Variants in CABP7 observed in about 807,000 individuals in gnomAD.
CABP7 encodes calcium binding protein 7, also known as calcium-binding protein 7.
A neutral mutation model predicts 23.1 loss-of-function variants in CABP7; 13 were observed. The ratio of observed to expected loss-of-function variants is 0.56; its 90% CI spans 0.37 to 0.90. The LOEUF (loss-of-function observed/expected upper bound fraction) is 0.90. Ranked by LOEUF, CABP7 falls within the 40% of genes least tolerant of loss-of-function variation. The pLI, the probability that CABP7 is intolerant of heterozygous loss-of-function variation, is 0.01. For missense variants in CABP7, 248 were observed against 295.6 expected (o/e 0.84, Z 1.18); for synonymous variants, 123 against 115.3 (o/e 1.07, Z -0.43).
Position 29,731,158 on chromosome 22 carries a change from G to A in CABP7, c.*1589G>A, listed in dbSNP as rs746709714. ...GCCTCCATGGGGCGTAGCAGGAACC[G>A]GGCTTGGCTTCCTATTGTGACTGAT... On this transcript the variant is annotated 3_prime_UTR_variant, in exon 5 of 5. Transcript: ENST00000216144. 74 of 1,425,686 alleles carry A rather than the reference G, an allele frequency of 5.2e-5. No individual in the cohort carries two copies. The highest frequency in any genetic ancestry group is 2.8e-5 in the East Asian group (1 of 36,286). 88.3% of individuals were successfully genotyped at this position (1,425,686 alleles called of 1,614,324 possible). A position where few individuals can be genotyped will look rare whatever the true frequency, so the allele number is the denominator to read the frequency against.
At chr22:29,725,390 G>T (rs561607583) in intron 1 of CABP7, among the ~76,000 whole-genome samples, 1 of 152,316 alleles carries the variant, frequency 6.6e-6, no homozygotes, top group African/African-American at 2.4e-5. Context: ...CCAGAGAACT[G>T]CGTGCTTCAG....
Position 29,720,402 on chromosome 22 carries a change from C to T in CABP7, c.-23C>T. The T allele has an allele frequency of 7.0e-7, 1 of 1,435,782 alleles. No homozygotes were observed. 88.9% of individuals were successfully genotyped at this position (1,435,782 alleles called of 1,614,324 possible). On this transcript the variant is annotated 5_prime_UTR_variant, in exon 1 of 5. Coordinates refer to ENST00000216144, the MANE Select transcript of CABP7 (RefSeq NM_182527.3). This position sits in a 1 kb window ranked among gnomAD's most constrained non-coding sequence, Gnocchi z 5.2. ...CCCCGGCCTCAAAGTTTGCGGCGGG[C>T]GGGCGGGCGCGGAGCCTCCAAGATG...
At chr22:29,726,837 C>CACCTT (rs1380328647) in intron 1 of CABP7, among the ~76,000 whole-genome samples, 1 of 152,178 alleles carries the variant, frequency 6.6e-6, no homozygotes, top group East Asian at 1.9e-4. Flanking sequence ...ACAGAAGAGA[C>CACCTT]AGCAGTACAG....
At chr22:29,726,967 C>T (rs1346723300) in intron 1 of CABP7, among the ~76,000 whole-genome samples, 1 of 152,144 alleles carries the variant, frequency 6.6e-6, no homozygotes, top group African/African-American at 2.4e-5. Flanking sequence ...GTTGCTTGTT[C>T]CCCGGGCTCC....
Position 29,727,937 on chromosome 22 carries a change from C to A in CABP7, c.253+132C>A. 1 of 1,083,928 alleles carries A rather than the reference C, an allele frequency of 9.2e-7. No individual in the cohort carries two copies. The allele number at this position is 1,083,928 out of a possible 1,614,324, so 67.1% of individuals were successfully genotyped here. A position where few individuals can be genotyped will look rare whatever the true frequency, so the allele number is the denominator to read the frequency against. On this transcript the variant is annotated intron_variant, in intron 2 of 4. Coordinates refer to ENST00000216144, the MANE Select transcript of CABP7 (RefSeq NM_182527.3). This position sits in a 1 kb window ranked among gnomAD's most constrained non-coding sequence, Gnocchi z 4.2. ...CTCCCCTGACTCCCACCCTCAAAGTCCGTGGCAGGTTGCAGCCCGGTCTGG... is the reference window on the plus strand; with the variant it reads ...CTCCCCTGACTCCCACCCTCAAAGTACGTGGCAGGTTGCAGCCCGGTCTGG...
In CABP7 at chr22:29,729,091, C is replaced by T. The variant is rs377697121; in HGVS notation, c.403C>T (p.Arg135Trp). Reference sequence around the variant, plus strand: ...GAAGCTGACGGTGGATGAGCTGAAGCGGCTGCTCTACGACACCTTCTGCGA... The same window carrying T: ...GAAGCTGACGGTGGATGAGCTGAAGTGGCTGCTCTACGACACCTTCTGCGA... Reference protein sequence around the residue: ...MQKLTVDELKRLLYDTFCEHL... With the variant: ...MQKLTVDELKWLLYDTFCEHL... The change falls in exon 4 of 5, where the codon CGG becomes TGG. Residue 135 changes from arginine to tryptophan, a missense_variant. By Grantham distance (101) the Arg-to-Trp change is moderately radical (BLOSUM62 -3). Coordinates refer to ENST00000216144, the MANE Select transcript of CABP7 (RefSeq NM_182527.3). 155 of 1,611,412 alleles carry T rather than the reference C, an allele frequency of 9.6e-5. No homozygotes were observed. The highest frequency in any genetic ancestry group is 4.5e-4 in the Middle Eastern group (2 of 4,470).
intron 1 of CABP7, among the ~76,000 whole-genome samples, chr22:29,726,929 CTG>C (rs1366471759): frequency 6.6e-6 from 1 of 152,192 alleles, no homozygotes; most frequent in African/African-American, 2.4e-5. Context: ...GTGGGTAAAA[CTG>C]AGGCTGGCCC....
At chr22:29,725,586 G>A (rs2067790022) in intron 1 of CABP7, among the ~76,000 whole-genome samples, 1 of 152,220 alleles carries the variant, frequency 6.6e-6, no homozygotes, top group African/African-American at 2.4e-5. Context: ...TGGGGCAAGA[G>A]CAGGGCCTGT....
Position 29,727,531 on chromosome 22 carries a change from C to T in CABP7, c.110-131C>T. 8.6e-7 allele frequency: 1 copy of T among 1,158,068 alleles called. No individual in the cohort carries two copies. The highest frequency in any genetic ancestry group is 1.3e-6 in the Non-Finnish European group (1 of 791,722). The allele number at this position is 1,158,068 out of a possible 1,614,324, so 71.7% of individuals were successfully genotyped here. A position where few individuals can be genotyped will look rare whatever the true frequency, so the allele number is the denominator to read the frequency against. On this transcript the variant is annotated intron_variant, in intron 1 of 4. Transcript: ENST00000216144. This position sits in a 1 kb window ranked among gnomAD's most constrained non-coding sequence, Gnocchi z 4.2. ...TGTGCACCCTCGGGCCATGCTCTCA[C>T]CAGATCTGCAGGCTCTGGGTTGGGC...
chr22:29,727,663 G>T lies in CABP7; in HGVS notation c.111G>T (p.Glu37Asp), dbSNP rs747838194. ...PVDIPEDELE[E>D]IREAFKVFDR... Reference sequence around the variant, plus strand: ...CAGCCTACTCCATTCTCTCCTCAGAGATCCGAGAGGCCTTCAAGGTGTTTG... The same window carrying T: ...CAGCCTACTCCATTCTCTCCTCAGATATCCGAGAGGCCTTCAAGGTGTTTG... The change falls in exon 2 of 5, where the codon GAG (glutamate) becomes GAT (aspartate). Residue 37 changes from glutamate (E) to aspartate (D), a missense_variant and splice_region_variant. Transcript: ENST00000216144. The surrounding 1 kb of genome is among the most constrained non-coding windows in gnomAD (Gnocchi z 4.2). 6.2e-7 allele frequency: 1 copy of T among 1,613,780 alleles called. No homozygotes were observed. The highest frequency in any genetic ancestry group is 2.2e-5 in the East Asian group (1 of 44,878).
rs767525325 is a variant in CABP7 at position 29,727,517 on chromosome 22, G to A, written c.110-145G>A. 5.8e-6 allele frequency: 6 copies of A among 1,026,838 alleles called. No homozygotes were observed. The highest frequency in any genetic ancestry group is 2.8e-5 in the South Asian group (2 of 71,798). 63.6% of individuals were successfully genotyped at this position (1,026,838 alleles called of 1,614,324 possible). On this transcript the variant is annotated intron_variant, in intron 1 of 4. Transcript: ENST00000216144. The surrounding 1 kb of genome is among the most constrained non-coding windows in gnomAD (Gnocchi z 4.2). ...GAATACGGCACCCTTGTGCACCCTC[G>A]GGCCATGCTCTCACCAGATCTGCAG... is the stretch of plus-strand genomic sequence containing the variant.
At chr22:29,726,130 A>G (rs1425385593) in intron 1 of CABP7, among the ~76,000 whole-genome samples, 1 of 152,062 alleles carries the variant, frequency 6.6e-6, no homozygotes, top group Non-Finnish European at 1.5e-5. Flanking sequence ...GCCATTGGTT[A>G]GGAGACGAGA....
Position 29,727,678 on chromosome 22 carries a change from C to T in CABP7, c.126C>T (p.Phe42=). The change falls in exon 2 of 5, where the codon TTC becomes TTT. Residue 42 remains phenylalanine (F), a synonymous_variant. Coordinates refer to ENST00000216144, the MANE Select transcript of CABP7 (RefSeq NM_182527.3). This position sits in a 1 kb window ranked among gnomAD's most constrained non-coding sequence, Gnocchi z 4.2. ...EDELEEIREA[F]KVFDRDGNGF... is the part of the protein sequence containing the mutation. ...TCTCCTCAGAGATCCGAGAGGCCTT[C>T]AAGGTGTTTGACCGTGACGGCAATG... 6.2e-7 allele frequency: 1 copy of T among 1,613,824 alleles called. No homozygotes were observed. Among genetic ancestry groups the T allele is most frequent in the Non-Finnish European group, 8.5e-7 (1 of 1,179,966 alleles).
At chr22:29,724,521 CCTGCCAGGATGTAGGAGAG>C (rs887723850) in intron 1 of CABP7, among the ~76,000 whole-genome samples, 1 of 152,236 alleles carries the variant, frequency 6.6e-6, no homozygotes. Context: ...CCAAGGTCAC[CCTGCCAGGATGTAGGAGAG>C]CTGGGACTTG....
At chr22:29,721,709 G>A (rs1235113296) in intron 1 of CABP7, among the ~76,000 whole-genome samples, 11 of 152,086 alleles carry the variant, frequency 7.2e-5, no homozygotes. Context: ...AGAATGGGTC[G>A]GGGGAAGATC....
intron 3 of CABP7, 21 bp from the exon 4 acceptor site, chr22:29,729,034 C>CGT (rs1182044885): frequency 6.2e-7 from 1 of 1,603,248 alleles, no homozygotes; most frequent in African/African-American, 1.3e-5. Flanking sequence ...CTCAGAGCAC[C>CGT]GTGTTGTCCC....
chr22:29,729,357 C>A, intron 4 of CABP7, 85 bp from the exon 5 acceptor site: 1 of 1,582,898 alleles, frequency 6.3e-7, no homozygotes, highest in South Asian at 1.2e-5. Flanking sequence ...GGGATGAGCC[C>A]ATGTGCCGAA....
intron 1 of CABP7, among the ~76,000 whole-genome samples, chr22:29,722,756 AC>A (rs1231847418): frequency 6.6e-6 from 1 of 152,174 alleles, no homozygotes; most frequent in Non-Finnish European, 1.5e-5. Flanking sequence ...TCTGGGCGAG[AC>A]CCAGGCCCTC....
chr22:29,729,895 A>C lies in CABP7; in HGVS notation c.*326A>C. The C allele has an allele frequency of 3.0e-6, 1 of 329,372 alleles. No individual in the cohort carries two copies. The highest frequency in any genetic ancestry group is 5.7e-6 in the Non-Finnish European group (1 of 176,244). The allele number at this position is 329,372 out of a possible 1,614,324, so 20.4% of individuals were successfully genotyped here. ...ATTTGCACAGGAACCCCCAGGACCCAGTCGCTGCTGTGGTCCCTTGGGCAG... is the reference window on the plus strand; with the variant it reads ...ATTTGCACAGGAACCCCCAGGACCCCGTCGCTGCTGTGGTCCCTTGGGCAG... On this transcript the variant is annotated 3_prime_UTR_variant, in exon 5 of 5. Transcript: ENST00000216144.
Sources: gnomAD v4.1 joint callset for allele counts (sites outside exome capture counted in the v4.1 genomes callset) on GRCh38, gnomAD v4.1.1 for gene constraint, Gnocchi (gnomAD v3.1) non-coding constraint, MANE v1.5 for transcripts, NCBI Gene and HGNC (gene_info 2026-07-23, HGNC 2026-07-21) for gene names.